Variants in MSX1 observed in about 807,000 individuals in gnomAD.
The protein encoded by MSX1 is homeobox protein MSX-1.
A neutral mutation model predicts 17.0 loss-of-function variants in MSX1; 11 were observed. The ratio of observed to expected loss-of-function variants is 0.65; its 90% CI spans 0.41 to 1.07. MSX1 has a LOEUF of 1.07. MSX1 is among the 50% of genes least tolerant of loss of function. MSX1 has a pLI of 0.00. For synonymous variants in MSX1, 253 were observed against 211.8 expected (o/e 1.19, Z -1.69); for missense variants, 477 against 440.1 (o/e 1.08, Z -0.75).
chr4:4,860,534 A>C (rs867989154), intron 1 of MSX1, among the ~76,000 whole-genome samples, 166 bp downstream of exon 1: 12 of 152,132 alleles, frequency 7.9e-5, no homozygotes, highest in African/African-American at 2.4e-4. Flanking sequence ...ACTCCCACCC[A>C]GGAAGAAGGT....
rs1737861557 is a variant in MSX1, at chr4:4,859,765, C to T, written c.-135C>T. 3 of 563,980 alleles carry T rather than the reference C, an allele frequency of 5.3e-6. No homozygotes were observed. The highest frequency in any genetic ancestry group is 8.6e-5 in the South Asian group (1 of 11,626). 34.9% of individuals were successfully genotyped at this position (563,980 alleles called of 1,614,324 possible). ...CCGGAGCTGGCCTGCTGGGGAGGGG[C>T]GGGAGGCGCGCGCGGGAGGGTCCGC... On this transcript the variant is annotated 5_prime_UTR_variant, in exon 1 of 2. Transcript: ENST00000382723.
chr4:4,859,885 G>A lies in MSX1; in HGVS notation c.-15G>A. Reference sequence around the variant, plus strand: ...GCTGGCCAGTGCTGCGGCAGAAGGGGGGGCCCGGCTCTGCATGGCCCCGGC... The same window carrying A: ...GCTGGCCAGTGCTGCGGCAGAAGGGAGGGCCCGGCTCTGCATGGCCCCGGC... On this transcript the variant is annotated 5_prime_UTR_variant, in exon 1 of 2. Coordinates refer to ENST00000382723, the MANE Select transcript of MSX1 (RefSeq NM_002448.3). 1 of 1,476,866 alleles carries A rather than the reference G, an allele frequency of 6.8e-7. No individual in the cohort carries two copies. Among genetic ancestry groups the A allele is most frequent in the African/African-American group, 1.5e-5 (1 of 68,362 alleles). 91.5% of individuals were successfully genotyped at this position (1,476,866 alleles called of 1,614,324 possible).
At chr4:4,862,253 G>A (rs1446294754) in intron 1 of MSX1, among the ~76,000 whole-genome samples, 1 of 152,220 alleles carries the variant, frequency 6.6e-6, no homozygotes, top group Non-Finnish European at 1.5e-5. Flanking sequence ...TTTGGCCAAC[G>A]CGTAAAACTA....
chr4:4,862,850 A>G lies in MSX1; in HGVS notation c.619A>G (p.Ser207Gly). The G allele has an allele frequency of 6.2e-7, 1 of 1,613,808 alleles. No individual in the cohort carries two copies. The highest frequency in any genetic ancestry group is 8.5e-7 in the Non-Finnish European group (1 of 1,180,018). ...LSIAERAEFS[S>G]SLSLTETQVK... is the part of the protein sequence containing the mutation. ...CATCGCCGAGCGCGCGGAGTTCTCCAGCTCGCTCAGCCTCACTGAGACGCA... is the reference window on the plus strand; with the variant it reads ...CATCGCCGAGCGCGCGGAGTTCTCCGGCTCGCTCAGCCTCACTGAGACGCA... The change falls in exon 2 of 2, where the codon AGC becomes GGC. Residue 207 changes from serine to glycine, a missense_variant. Coordinates refer to ENST00000382723, the MANE Select transcript of MSX1 (RefSeq NM_002448.3).
At chr4:4,861,566 A>G (rs766526889) in intron 1 of MSX1, among the ~76,000 whole-genome samples, 36 of 152,270 alleles carry the variant, frequency 2.4e-4, no homozygotes, top group Non-Finnish European at 4.3e-4. Context: ...GTGGTGAAAC[A>G]TCTTCGATTT....
chr4:4,862,608 G>A (rs1451846716), intron 1 of MSX1, 93 bp from the exon 2 acceptor site: 1 of 1,424,992 alleles, frequency 7.0e-7, no homozygotes, highest in Non-Finnish European at 9.8e-7. Context: ...CTCAATATCT[G>A]GTATTGTTTG....
chr4:4,859,733 C>T lies in MSX1; in HGVS notation c.-167C>T, dbSNP rs1281928971. The T allele has an allele frequency of 4.3e-5, 14 of 325,026 alleles. No individual in the cohort carries two copies. The highest frequency in any genetic ancestry group is 1.7e-4 in the Admixed American group (3 of 17,866). 20.1% of individuals were successfully genotyped at this position (325,026 alleles called of 1,614,324 possible). On this transcript the variant is annotated 5_prime_UTR_variant, in exon 1 of 2. Coordinates refer to ENST00000382723, the MANE Select transcript of MSX1 (RefSeq NM_002448.3). ...GGCGGCAGCGACCGGAGGCCAGGCCCAGCACGCCGGAGCTGGCCTGCTGGG... is the reference window on the plus strand; with the variant it reads ...GGCGGCAGCGACCGGAGGCCAGGCCTAGCACGCCGGAGCTGGCCTGCTGGG...
At chr4:4,860,479 GC>G in intron 1 of MSX1, 111 bp downstream of exon 1, 2 of 1,369,716 alleles carry the variant, frequency 1.5e-6, no homozygotes, top group Non-Finnish European at 2.0e-6. Flanking sequence ...TGCAGCCGGT[GC>G]TAGGGAGCCG....
intron 1 of MSX1, among the ~76,000 whole-genome samples, chr4:4,861,974 C>T (rs1234325928): frequency 6.6e-6 from 1 of 152,090 alleles, no homozygotes; most frequent in Non-Finnish European, 1.5e-5. Context: ...CGCGATCCAA[C>T]AGAGGACTGA....
chr4:4,863,271 C>T lies in MSX1; in HGVS notation c.*128C>T. On this transcript the variant is annotated 3_prime_UTR_variant, in exon 2 of 2. Coordinates refer to ENST00000382723, the MANE Select transcript of MSX1 (RefSeq NM_002448.3). The stretch of plus-strand genomic sequence containing the variant: ...AACCCTCACACTGCTCCAGTTTCAC[C>T]TCTTTGCTCCCTGAGTTCACTCTCC... 1.0e-6 allele frequency: 1 copy of T among 1,000,950 alleles called. No individual in the cohort carries two copies. The highest frequency in any genetic ancestry group is 2.2e-5 in the Admixed American group (1 of 45,480). The allele number at this position is 1,000,950 out of a possible 1,614,324, so 62.0% of individuals were successfully genotyped here.
intron 1 of MSX1, among the ~76,000 whole-genome samples, chr4:4,862,227 T>C (rs1224829803): frequency 6.6e-6 from 1 of 152,256 alleles, no homozygotes; most frequent in Non-Finnish European, 1.5e-5. Context: ...AAGCACTCCG[T>C]GGGCACTGAT....
chr4:4,860,687 C>T (rs1737895002), intron 1 of MSX1, among the ~76,000 whole-genome samples: 1 of 152,230 alleles, frequency 6.6e-6, no homozygotes, highest in Non-Finnish European at 1.5e-5. Context: ...AACTCTGTTT[C>T]ATCGGCTTCA....
In MSX1 at chr4:4,860,159, A is replaced by G. The variant is rs759475915; in HGVS notation, c.260A>G (p.Gln87Arg). Residue 87 changes from glutamine to arginine, a missense_variant, in exon 1 of 2, where the codon CAG becomes CGG. Gln to Arg is a conservative substitution (Grantham distance 43, BLOSUM62 1). Transcript: ENST00000382723. ...GCCCTGGCGCCCTCCGAGGGCGTGC[A>G]GGCGGCGGGTGGCTCGGCGCAGCCA... ...ESALAPSEGVQAAGGSAQPLG... is the reference protein window; with the variant it reads ...ESALAPSEGVRAAGGSAQPLG... The G allele has an allele frequency of 6.5e-4, 979 of 1,507,494 alleles. 1 individual carries two copies. Among genetic ancestry groups the G allele is most frequent in the Non-Finnish European group, 2.7e-4 (311 of 1,134,910 alleles). The allele number at this position is 1,507,494 out of a possible 1,614,324, so 93.4% of individuals were successfully genotyped here. A position where few individuals can be genotyped will look rare whatever the true frequency, so the allele number is the denominator to read the frequency against.
rs1301468375 is a variant in MSX1 at position 4,860,307 on chromosome 4, C to T, written c.408C>T (p.Ser136=). The T allele has an allele frequency of 1.2e-6, 2 of 1,603,014 alleles. No homozygotes were observed. Among genetic ancestry groups the T allele is most frequent in the Non-Finnish European group, 1.7e-6 (2 of 1,179,676 alleles). ...AAGATGCGCTCGTCAAAGCCGAGAG[C>T]CCCGAGAAGCCCGAGAGGACCCCGT... ...LPEDALVKAE[S]PEKPERTPWM... Residue 136 remains serine (S), a synonymous_variant, in exon 1 of 2, where the codon AGC becomes AGT. Transcript: ENST00000382723.
chr4:4,861,297 G>A (rs1211391796), intron 1 of MSX1, among the ~76,000 whole-genome samples: 1 of 152,256 alleles, frequency 6.6e-6, no homozygotes, highest in Non-Finnish European at 1.5e-5. Context: ...GCCGCTGAAG[G>A]GAGTGACGTT....
intron 1 of MSX1, 107 bp downstream of exon 1, chr4:4,860,475 C>G: frequency 7.2e-7 from 1 of 1,395,144 alleles, no homozygotes; most frequent in Non-Finnish European, 9.8e-7. Context: ...TACCTGCAGC[C>G]GGTGCTAGGG....
At position 4,863,119 on chromosome 4, in the gene MSX1, C is replaced by T. The variant is rs1293936146; in HGVS notation, c.888C>T (p.Gly296=). The T allele has an allele frequency of 6.8e-6, 11 of 1,607,782 alleles. No individual in the cohort carries two copies. Among genetic ancestry groups the T allele is most frequent in the Non-Finnish European group, 9.3e-6 (11 of 1,179,540 alleles). Residue 296 remains glycine (G), a synonymous_variant, in exon 2 of 2, where the codon GGC becomes GGT. Transcript: ENST00000382723. ...TGGGACTCTACACGGCCCATGTGGGCTACAGCATGTACCACCTGACATAGA... is the reference window on the plus strand; with the variant it reads ...TGGGACTCTACACGGCCCATGTGGGTTACAGCATGTACCACCTGACATAGA... ...APVGLYTAHV[G]YSMYHLT
In MSX1 at chr4:4,860,265, ACTC is replaced by A. The variant is rs1737881880; in HGVS notation, c.370_372del (p.Leu124del). On this transcript the variant is annotated inframe_deletion, in exon 1 of 2. Coordinates refer to ENST00000382723, the MANE Select transcript of MSX1 (RefSeq NM_002448.3). Reference sequence around the variant, plus strand: ...CGCTCGGCCATTTCTCGGTGGGGGGACTCCTCAAGCTGCCAGAAGATGCGCTCG... The same window carrying A: ...CGCTCGGCCATTTCTCGGTGGGGGGACTCAAGCTGCCAGAAGATGCGCTCG... 6.4e-7 allele frequency: 1 copy of A among 1,554,626 alleles called. No homozygotes were observed. The highest frequency in any genetic ancestry group is 1.1e-5 in the South Asian group (1 of 87,096).
At chr4:4,862,472 G>T (rs1328806991) in intron 1 of MSX1, 1 of 703,260 alleles carries the variant, frequency 1.4e-6, no homozygotes. Flanking sequence ...TTTTCTCCTG[G>T]AATCTTAGTT....
Sources: gnomAD v4.1 joint callset for allele counts (sites outside exome capture counted in the v4.1 genomes callset) on GRCh38, gnomAD v4.1.1 for gene constraint, MANE v1.5 for transcripts, NCBI Gene and HGNC (gene_info 2026-07-23, HGNC 2026-07-21) for gene names.